CHD2: variants seen among roughly 807,000 people sequenced by gnomAD.
CHD2 encodes chromodomain helicase DNA binding protein 2.
CHD2 carries 28 observed loss-of-function variants against 243.9 expected under a neutral mutation model. The ratio of observed to expected loss-of-function variants is 0.11; its 90% CI spans 0.09 to 0.16. The LOEUF is 0.16. Ranked by LOEUF, CHD2 falls within the 10% of genes least tolerant of loss-of-function variation. The pLI, the probability that CHD2 is intolerant of heterozygous loss-of-function variation, is 1.00. For synonymous variants in CHD2, 775 were observed against 779.0 expected, an observed-to-expected ratio of 0.99 and a Z score of 0.09; for missense variants, 1,386 against 2,209.8, an observed-to-expected ratio of 0.63 and a Z score of 7.47.
At chr15:93,019,173 A>T (rs2141893773) in intron 37 of CHD2, among the ~76,000 whole-genome samples, 1 of 152,336 alleles carries the variant, frequency 6.6e-6, no homozygotes, top group South Asian at 2.1e-4. Context: ...TGTGTGCAGA[A>T]TAGGGAAGAA....
chr15:93,018,731 C>A (rs1430584079), intron 37 of CHD2, among the ~76,000 whole-genome samples: 1 of 152,178 alleles, frequency 6.6e-6, no homozygotes, highest in Non-Finnish European at 1.5e-5. Context: ...TCTTGGCGTT[C>A]TTGACTCACG....
At chr15:93,015,948 A>G (rs7170644) in intron 37 of CHD2, among the ~76,000 whole-genome samples, 92,627 of 152,084 alleles carry the variant, frequency 0.61, 30,355 homozygotes, top group East Asian at 0.96. Flanking sequence ...CAATGCAGAG[A>G]TGCCTCAAAA....
intron 25 of CHD2, 22 bp downstream of exon 25, chr15:92,984,522 T>A (rs2054016109): frequency 6.3e-7 from 1 of 1,590,196 alleles, no homozygotes; most frequent in Non-Finnish European, 8.6e-7. Flanking sequence ...AGATGAAAGA[T>A]ATGAAATTAT....
At chr15:93,020,411 T>A in intron 38 of CHD2, 153 bp downstream of exon 38, 1 of 971,736 alleles carries the variant, frequency 1.0e-6, no homozygotes, top group Non-Finnish European at 1.5e-6. Context: ...GTCTTGGTTA[T>A]AGGTTTTATG....
At chr15:92,981,530 C>T (rs1238201184) in intron 24 of CHD2, 73 bp downstream of exon 24, 4 of 1,209,940 alleles carry the variant, frequency 3.3e-6, no homozygotes, top group Non-Finnish European at 4.8e-6. Context: ...TGAACGCTTT[C>T]TTTGTGCTAG....
At chr15:92,935,473 G>A (rs2053250393) in intron 5 of CHD2, among the ~76,000 whole-genome samples, 1 of 152,198 alleles carries the variant, frequency 6.6e-6, no homozygotes. Context: ...TATAGAAGTG[G>A]ACCTCATTGG....
At chr15:92,979,464 C>T (rs569264877) in intron 22 of CHD2, among the ~76,000 whole-genome samples, 181 bp downstream of exon 22, 1 of 152,196 alleles carries the variant, frequency 6.6e-6, no homozygotes, top group East Asian at 1.9e-4. Context: ...TTGCCCATCA[C>T]CCCCCTTCTT....
chr15:92,997,554 G>C lies in CHD2; in HGVS notation c.3885+151G>C. 2 of 682,522 alleles carry C rather than the reference G, an allele frequency of 2.9e-6. No homozygotes were observed. The highest frequency in any genetic ancestry group is 3.7e-5 in the Admixed American group (1 of 26,698). The allele number at this position is 682,522 out of a possible 1,614,324, so 42.3% of individuals were successfully genotyped here. On this transcript the variant is annotated intron_variant, in intron 30 of 38. Transcript: ENST00000394196. This position sits in a 1 kb window ranked among gnomAD's most constrained non-coding sequence, Gnocchi z 4.1. The stretch of plus-strand genomic sequence containing the variant: ...AATACTTCCATCTTTAGCAGATTGT[G>C]GCACTGTTTCACGGATGAAGATAAA...
intron 27 of CHD2, chr15:92,991,882 AG>A (rs2054124499): frequency 6.0e-6 from 1 of 167,444 alleles, no homozygotes; most frequent in East Asian, 1.7e-4. Context: ...ATAATGTCAA[AG>A]GTAAAAGGCT....
chr15:92,960,720 T>TG (rs1395680505), intron 16 of CHD2, among the ~76,000 whole-genome samples: 2 of 143,774 alleles, frequency 1.4e-5, no homozygotes, highest in African/African-American at 5.1e-5. Flanking sequence ...TTTTTTTTTT[T>TG]TTTTTTTTTT....
chr15:92,934,907 T>G lies in CHD2; in HGVS notation c.444-2611T>G, dbSNP rs1567131724. Among the ~76,000 whole-genome samples the G allele has an allele frequency of 2.6e-5, 4 of 152,226 alleles. No homozygotes were observed. In the East Asian group the frequency reaches 7.7e-4, roughly 29 times the overall value. ...TCTTTGGTCCTCAGTGAGTTATGATTGAAAGTAGCAGGGCTGAGGGTTGGT... is the reference window on the plus strand; with the variant it reads ...TCTTTGGTCCTCAGTGAGTTATGATGGAAAGTAGCAGGGCTGAGGGTTGGT... On this transcript the variant is annotated intron_variant, in intron 5 of 38. Transcript: ENST00000394196.
At chr15:92,943,377 A>C (rs1219442240) in intron 9 of CHD2, 1 of 316,556 alleles carries the variant, frequency 3.2e-6, no homozygotes, top group East Asian at 7.9e-5. Context: ...AATACGGCAC[A>C]CAGCAATTCT....
chr15:92,967,293 G>A, intron 16 of CHD2, 32 bp from the exon 17 acceptor site: 1 of 1,439,484 alleles, frequency 6.9e-7, no homozygotes, highest in Non-Finnish European at 9.3e-7. Flanking sequence ...TCCTCAATGT[G>A]GCTAAATAAC....
chr15:92,919,560 T>C (rs1406688438), intron 2 of CHD2, among the ~76,000 whole-genome samples: 1 of 152,062 alleles, frequency 6.6e-6, no homozygotes, highest in East Asian at 1.9e-4. Flanking sequence ...CCAGCTAATT[T>C]TTTGTATTTG....
chr15:92,919,461 C>T lies in CHD2; in HGVS notation c.63-4860C>T, dbSNP rs562415320. Among the ~76,000 whole-genome samples, 9 of 151,922 alleles carry T rather than the reference C, an allele frequency of 5.9e-5. No homozygotes were observed. In the East Asian group the frequency reaches 9.7e-4, roughly 16 times the overall value. On this transcript the variant is annotated intron_variant, in intron 2 of 38. Coordinates refer to ENST00000394196, the MANE Select transcript of CHD2 (RefSeq NM_001271.4). ...AGGCTGGAGTGCAATGGCACGATTG[C>T]GGCTCACTGCAACCTCTGCCTCCTG... is the stretch of plus-strand genomic sequence containing the variant.
intron 37 of CHD2, among the ~76,000 whole-genome samples, chr15:93,016,276 T>C (rs1435979241): frequency 6.6e-6 from 1 of 152,182 alleles, no homozygotes; most frequent in Admixed American, 6.5e-5. Flanking sequence ...AACTGCATAT[T>C]CTCACTTACG....
chr15:92,921,911 TC>T (rs2052963243), intron 2 of CHD2, among the ~76,000 whole-genome samples: 1 of 152,182 alleles, frequency 6.6e-6, no homozygotes. Flanking sequence ...GCTCTCCTCT[TC>T]CTTTTTTCTT....
At chr15:92,908,356 C>T (rs1215182086) in intron 2 of CHD2, among the ~76,000 whole-genome samples, 1 of 152,126 alleles carries the variant, frequency 6.6e-6, no homozygotes, top group African/African-American at 2.4e-5. Flanking sequence ...AGCATAATGC[C>T]GAACATGCAA....
intron 5 of CHD2, among the ~76,000 whole-genome samples, chr15:92,934,063 A>G (rs1331063890): frequency 6.6e-6 from 1 of 152,032 alleles, no homozygotes; most frequent in African/African-American, 2.4e-5. Flanking sequence ...AAAAGTAGCT[A>G]CTTCCCTCTT....
Sources: allele counts gnomAD v4.1 joint callset (sites outside exome capture counted in the v4.1 genomes callset), GRCh38; gene constraint gnomAD v4.1.1; non-coding constraint Gnocchi (gnomAD v3.1); transcripts MANE v1.5; gene names NCBI Gene and HGNC (gene_info 2026-07-23, HGNC 2026-07-21).